ATG10: variants seen among roughly 807,000 people sequenced by gnomAD.
The protein encoded by ATG10 is autophagy related 10, also known as ubiquitin-like-conjugating enzyme ATG10.
ATG10 carries 30 observed loss-of-function variants against 32.1 expected under a neutral mutation model. The ratio of observed to expected loss-of-function variants is 0.94; its 90% CI spans 0.70 to 1.27. ATG10 has a LOEUF of 1.27. Among genes scored for constraint, ATG10 ranks in the 50% most tolerant of loss-of-function variants. ATG10 has a pLI of 0.00. For synonymous variants in ATG10, 87 were observed against 91.5 expected (o/e 0.95, Z 0.28); for missense variants, 233 against 262.3 (o/e 0.89, Z 0.77).
chr5:82,158,229 CTT>C (rs1767887568), intron 3 of ATG10, among the ~76,000 whole-genome samples: 1 of 152,128 alleles, frequency 6.6e-6, no homozygotes, highest in African/African-American at 2.4e-5. Context: ...TCTTTTAGCT[CTT>C]GAATGAATGT....
chr5:81,996,364 G>A (rs1021016713), intron 2 of ATG10, among the ~76,000 whole-genome samples: 4 of 152,126 alleles, frequency 2.6e-5, no homozygotes, highest in South Asian at 4.1e-4. Flanking sequence ...CAGCCTCCCC[G>A]AGTAGTTGGG....
chr5:82,040,024 G>A (rs528759704), intron 2 of ATG10, among the ~76,000 whole-genome samples: 10 of 152,154 alleles, frequency 6.6e-5, no homozygotes, highest in Non-Finnish European at 1.3e-4. Flanking sequence ...TGTTTATGTG[G>A]TCTCTTCAGC....
chr5:82,024,401 T>C (rs550029455), intron 2 of ATG10, among the ~76,000 whole-genome samples: 53 of 152,330 alleles, frequency 3.5e-4, no homozygotes, highest in African/African-American at 1.3e-3. Flanking sequence ...AATGGAAAAT[T>C]AGTGACTAAA....
At chr5:82,174,745 G>A (rs1373509109) in intron 4 of ATG10, among the ~76,000 whole-genome samples, 1 of 152,062 alleles carries the variant, frequency 6.6e-6, no homozygotes, top group Non-Finnish European at 1.5e-5. Context: ...GAGGAACAGT[G>A]GTCTTTTGAA....
At chr5:82,053,786 A>C (rs1763502403) in intron 2 of ATG10, among the ~76,000 whole-genome samples, 1 of 152,172 alleles carries the variant, frequency 6.6e-6, no homozygotes, top group Admixed American at 6.6e-5. Context: ...CTAATAGCTG[A>C]AGTGTAGTTG....
intron 3 of ATG10, among the ~76,000 whole-genome samples, chr5:82,077,682 T>C (rs1764323865): frequency 6.6e-6 from 1 of 152,228 alleles, no homozygotes; most frequent in African/African-American, 2.4e-5. Context: ...GAAAGCGCGG[T>C]AGTGCAGACG....
intron 2 of ATG10, among the ~76,000 whole-genome samples, chr5:82,019,190 C>T (rs1762372020): frequency 6.6e-6 from 1 of 151,756 alleles, no homozygotes; most frequent in Admixed American, 6.6e-5. Flanking sequence ...CTTTTTTATC[C>T]CTTAATTGAT....
intron 5 of ATG10, among the ~76,000 whole-genome samples, chr5:82,184,296 G>A (rs953887234): frequency 2.6e-5 from 4 of 152,110 alleles, no homozygotes; most frequent in African/African-American, 7.2e-5. Flanking sequence ...TGTAAAATAC[G>A]TTGTACATTG....
At chr5:82,056,798 T>G (rs1763617425) in intron 2 of ATG10, among the ~76,000 whole-genome samples, 1 of 152,204 alleles carries the variant, frequency 6.6e-6, no homozygotes, top group South Asian at 2.1e-4. Flanking sequence ...AGAGGAGCAA[T>G]GACTACTGCT....
intron 2 of ATG10, among the ~76,000 whole-genome samples, chr5:82,018,832 C>G (rs1234734025): frequency 5.3e-5 from 8 of 152,238 alleles, no homozygotes; most frequent in African/African-American, 1.7e-4. Flanking sequence ...CTGACAGCCT[C>G]ACTCTGGCAC....
At chr5:82,247,341 T>C (rs1280413003) in intron 5 of ATG10, among the ~76,000 whole-genome samples, 1 of 152,174 alleles carries the variant, frequency 6.6e-6, no homozygotes, top group South Asian at 2.1e-4. Context: ...TTTTCTCTTT[T>C]CTTCACATTG....
chr5:82,157,575 C>G (rs1158030322), intron 3 of ATG10, among the ~76,000 whole-genome samples: 1 of 152,158 alleles, frequency 6.6e-6, no homozygotes, highest in African/African-American at 2.4e-5. Context: ...GAGCTGATTA[C>G]TTAAGGTCCC....
chr5:82,033,053 A>G (rs985622848), intron 2 of ATG10, among the ~76,000 whole-genome samples: 74 of 152,234 alleles, frequency 4.9e-4, no homozygotes, highest in Admixed American at 4.8e-3. Context: ...TTCATTTAAT[A>G]TTTAAGAAGT....
intron 5 of ATG10, among the ~76,000 whole-genome samples, chr5:82,236,867 G>A (rs1019721468): frequency 2.6e-5 from 4 of 151,892 alleles, no homozygotes; most frequent in African/African-American, 9.7e-5. Context: ...GATCTTTCTG[G>A]GTACTTAGGT....
intron 3 of ATG10, among the ~76,000 whole-genome samples, chr5:82,157,860 C>T (rs1767867976): frequency 6.6e-6 from 1 of 152,142 alleles, no homozygotes; most frequent in South Asian, 2.1e-4. Context: ...AACTAAAGAC[C>T]TGACTGGTAG....
chr5:82,120,875 G>A (rs1007932414), intron 3 of ATG10, among the ~76,000 whole-genome samples: 1 of 152,094 alleles, frequency 6.6e-6, no homozygotes, highest in African/African-American at 2.4e-5. Flanking sequence ...GAGTAGGGAT[G>A]TTTACCCGTT....
chr5:82,094,576 C>A (rs1412293496), intron 3 of ATG10, among the ~76,000 whole-genome samples: 1 of 151,620 alleles, frequency 6.6e-6, no homozygotes, highest in Non-Finnish European at 1.5e-5. Flanking sequence ...ACATCCTAAG[C>A]AAATACGCTC....
At chr5:82,217,603 A>T (rs1392303731) in intron 5 of ATG10, among the ~76,000 whole-genome samples, 1 of 152,002 alleles carries the variant, frequency 6.6e-6, no homozygotes, top group African/African-American at 2.4e-5. Flanking sequence ...ACCCATATAC[A>T]TACACATATA....
chr5:82,033,415 G>A (rs902509063), intron 2 of ATG10, among the ~76,000 whole-genome samples: 1 of 149,420 alleles, frequency 6.7e-6, no homozygotes, highest in Non-Finnish European at 1.5e-5. Flanking sequence ...TCGGTTCACT[G>A]CAACCTCCAC....
Sources: allele counts gnomAD v4.1 joint callset (sites outside exome capture counted in the v4.1 genomes callset), GRCh38; gene constraint gnomAD v4.1.1; transcripts MANE v1.5; gene names NCBI Gene and HGNC (gene_info 2026-07-23, HGNC 2026-07-21).